PRKCE: variants seen among roughly 807,000 people sequenced by gnomAD.
PRKCE encodes the protein protein kinase C epsilon type.
Under a neutral mutation model 85.4 loss-of-function variants are expected in PRKCE, and 16 were observed. The observed-to-expected ratio is 0.19, with a 90% CI of 0.13 to 0.28. The LOEUF is 0.28. PRKCE is among the 10% of genes least tolerant of loss of function. The probability of loss-of-function intolerance (pLI) is 1.00; values close to 1 mark genes in which losing one functional copy is unlikely to be tolerated. For missense variants in PRKCE, 573 were observed against 975.2 expected (o/e 0.59, Z 5.49); for synonymous variants, 388 against 371.5 (o/e 1.04, Z -0.51).
intron 1 of PRKCE, among the ~76,000 whole-genome samples, chr2:45,780,154 T>C (rs944115670): frequency 1.3e-5 from 2 of 152,222 alleles, no homozygotes; most frequent in Admixed American, 6.5e-5. Flanking sequence ...CTAATTAGTG[T>C]TCAAATTTTT....
chr2:45,831,335 G>T (rs182595933), intron 1 of PRKCE, among the ~76,000 whole-genome samples: 5 of 152,364 alleles, frequency 3.3e-5, no homozygotes, highest in Admixed American at 3.3e-4. Context: ...ACTATGGTTA[G>T]AGAACAGAAT....
chr2:45,820,316 G>T (rs373718632), intron 1 of PRKCE, among the ~76,000 whole-genome samples: 1 of 152,248 alleles, frequency 6.6e-6, no homozygotes, highest in East Asian at 1.9e-4. Context: ...GAAGGATACG[G>T]GTGTGGACCT....
chr2:45,927,724 G>A (rs560716031), intron 2 of PRKCE, among the ~76,000 whole-genome samples: 1 of 152,224 alleles, frequency 6.6e-6, no homozygotes, highest in Non-Finnish European at 1.5e-5. Context: ...TCCTGCAGTG[G>A]ATTTGAATAT....
intron 2 of PRKCE, among the ~76,000 whole-genome samples, chr2:45,965,169 T>C (rs767865766): frequency 2.0e-5 from 3 of 152,246 alleles, no homozygotes; most frequent in Non-Finnish European, 4.4e-5. Context: ...GGGAATTAGT[T>C]GCTGTTTCCT....
chr2:45,896,817 C>T (rs924721865), intron 2 of PRKCE, among the ~76,000 whole-genome samples: 1 of 152,200 alleles, frequency 6.6e-6, no homozygotes, highest in Admixed American at 6.5e-5. Context: ...GGTACCGTGG[C>T]TCATGCCTGT....
At chr2:45,689,847 AG>A (rs1178434943) in intron 1 of PRKCE, among the ~76,000 whole-genome samples, 4 of 151,030 alleles carry the variant, frequency 2.6e-5, no homozygotes, top group Non-Finnish European at 5.9e-5. Flanking sequence ...AGTGAGCAGA[AG>A]TCACACCACT....
rs768377666 is a variant in PRKCE at position 45,774,044 on chromosome 2, C to T, written c.349-68956C>T. On this transcript the variant is annotated intron_variant, in intron 1 of 14. Coordinates refer to ENST00000306156, the MANE Select transcript of PRKCE (RefSeq NM_005400.3). This position sits in a 1 kb window ranked among gnomAD's most constrained non-coding sequence, Gnocchi z 4.3. ...GAAGTAGAAATTTCCTTCTAGACCC[C>T]AGAGTCCTCCCCTCCCCCGCTGCTG... Among the ~76,000 whole-genome samples, 1 of 152,204 alleles carries T rather than the reference C, an allele frequency of 6.6e-6. No individual in the cohort carries two copies. The highest frequency in any genetic ancestry group is 1.5e-5 in the Non-Finnish European group (1 of 68,014).
At chr2:46,003,396 A>G (rs959714559) in intron 7 of PRKCE, among the ~76,000 whole-genome samples, 5 of 152,276 alleles carry the variant, frequency 3.3e-5, no homozygotes, top group Non-Finnish European at 7.3e-5. Context: ...ATATGCCAGC[A>G]TCTATGCGAA....
At chr2:46,036,240 G>C (rs1707848817) in intron 10 of PRKCE, among the ~76,000 whole-genome samples, 1 of 152,092 alleles carries the variant, frequency 6.6e-6, no homozygotes, top group Admixed American at 6.5e-5. Flanking sequence ...ATGAGGTGGG[G>C]TCAGAGCGAG....
At chr2:46,085,749 GTTTTTGTTTTTTTTTTTTT>G (rs1669567172) in intron 10 of PRKCE, among the ~76,000 whole-genome samples, 1 of 18,660 alleles carries the variant, frequency 5.4e-5, no homozygotes, top group Non-Finnish European at 1.4e-4. Context: ...TTTTTTTTTT[GTTTTTGTTTTTTTTTTTTT>G]TTTTAGCCAT....
rs77133816 is a variant in PRKCE, at chr2:45,998,120, T to C, written c.824-3284T>C. Reference sequence around the variant, plus strand: ...ATATCTTGAGAAGAATGTGTATTCTTCTGTCACCGAATGAAGTTGTTGATA... The same window carrying C: ...ATATCTTGAGAAGAATGTGTATTCTCCTGTCACCGAATGAAGTTGTTGATA... On this transcript the variant is annotated intron_variant, in intron 6 of 14. Transcript: ENST00000306156. 4.6e-3 allele frequency among the ~76,000 whole-genome samples: 696 copies of C among 152,334 alleles called. 2 individuals carry two copies. Among genetic ancestry groups the C allele is most frequent in the Non-Finnish European group, 7.9e-3 (536 of 68,022 alleles).
At position 46,137,410 on chromosome 2, in the gene PRKCE, A is replaced by C. The variant is rs190343589; in HGVS notation, c.1593-7683A>C. Among the ~76,000 whole-genome samples, 146 of 152,274 alleles carry C rather than the reference A, an allele frequency of 9.6e-4. 1 individual carries two copies. The highest frequency in any genetic ancestry group is 3.4e-3 in the African/African-American group (142 of 41,522). On this transcript the variant is annotated intron_variant, in intron 11 of 14. Coordinates refer to ENST00000306156, the MANE Select transcript of PRKCE (RefSeq NM_005400.3). Reference sequence around the variant, plus strand: ...CCTGGGAGGCAATTCTTAGAAGCCAAAATATGTGTTTCAAATTATTCTAGA... The same window carrying C: ...CCTGGGAGGCAATTCTTAGAAGCCACAATATGTGTTTCAAATTATTCTAGA...
At chr2:46,008,598 G>A (rs552982744) in intron 9 of PRKCE, among the ~76,000 whole-genome samples, 2 of 152,252 alleles carry the variant, frequency 1.3e-5, no homozygotes, top group Admixed American at 6.5e-5. Context: ...CAGCCTGTAG[G>A]TCAGTCAGCT....
chr2:45,921,427 G>C (rs1265688572), intron 2 of PRKCE, among the ~76,000 whole-genome samples: 1 of 152,268 alleles, frequency 6.6e-6, no homozygotes, highest in Non-Finnish European at 1.5e-5. Context: ...CCTTTCATGA[G>C]CACTTGCGTG....
chr2:45,744,549 T>TTCCTTC (rs1558624254), intron 1 of PRKCE, among the ~76,000 whole-genome samples: 4 of 84,058 alleles, frequency 4.8e-5, no homozygotes, highest in African/African-American at 2.0e-4. Context: ...TTTCTTTCTT[T>TTCCTTC]CTTCCTTCCT....
intron 1 of PRKCE, among the ~76,000 whole-genome samples, chr2:45,820,068 G>C (rs902706678): frequency 7.2e-5 from 11 of 152,186 alleles, no homozygotes; most frequent in Admixed American, 3.3e-4. Context: ...CAAAATAAAG[G>C]AGGATGTTTT....
intron 10 of PRKCE, among the ~76,000 whole-genome samples, chr2:46,019,930 A>G (rs1285459675): frequency 1.4e-5 from 2 of 146,284 alleles, no homozygotes. Flanking sequence ...GCTCACTACA[A>G]CCTCTGCCTC....
intron 1 of PRKCE, among the ~76,000 whole-genome samples, chr2:45,677,500 G>A (rs1371637504): frequency 6.6e-6 from 1 of 152,096 alleles, no homozygotes; most frequent in African/African-American, 2.4e-5. Flanking sequence ...GGGACTACAG[G>A]CGCCCGCCAC....
At chr2:45,891,802 G>C in intron 2 of PRKCE, among the ~76,000 whole-genome samples, 1 of 152,180 alleles carries the variant, frequency 6.6e-6, no homozygotes, top group East Asian at 1.9e-4. Flanking sequence ...AATGCCATGT[G>C]CACCTGTTGT....
Sources: allele counts gnomAD v4.1 joint callset (sites outside exome capture counted in the v4.1 genomes callset), GRCh38; gene constraint gnomAD v4.1.1; non-coding constraint Gnocchi (gnomAD v3.1); transcripts MANE v1.5; gene names NCBI Gene and HGNC (gene_info 2026-07-23, HGNC 2026-07-21).